The following MMP16 variants were observed in gnomAD, a reference collection of about 807,000 sequenced individuals.
MMP16 encodes matrix metalloproteinase-16.
A neutral mutation model predicts 67.8 loss-of-function variants in MMP16; 12 were observed. The ratio of observed to expected loss-of-function variants is 0.18; its 90% CI spans 0.11 to 0.29. The LOEUF is 0.29. MMP16 is among the 10% of genes least tolerant of loss of function. The probability of loss-of-function intolerance (pLI) is 1.00; values close to 1 mark genes in which losing one functional copy is unlikely to be tolerated. For missense variants in MMP16, 475 were observed against 765.7 expected, an observed-to-expected ratio of 0.62 and a Z score of 4.48; for synonymous variants, 249 against 255.9, an observed-to-expected ratio of 0.97 and a Z score of 0.26.
chr8:88,313,934 T>C (rs939785702), intron 1 of MMP16, among the ~76,000 whole-genome samples: 3 of 152,030 alleles, frequency 2.0e-5, no homozygotes, highest in African/African-American at 4.8e-5. Context: ...AAGACCAGCA[T>C]AGGAAAGACC....
intron 9 of MMP16, among the ~76,000 whole-genome samples, chr8:88,043,471 C>T (rs1432820086): frequency 6.6e-6 from 1 of 152,110 alleles, no homozygotes; most frequent in Non-Finnish European, 1.5e-5. Flanking sequence ...TTAGTAGAGA[C>T]AGGGTTTCTC....
At chr8:88,279,220 CAAA>C (rs767410219) in intron 1 of MMP16, among the ~76,000 whole-genome samples, 2 of 94,404 alleles carry the variant, frequency 2.1e-5, no homozygotes, top group Non-Finnish European at 2.2e-5. Flanking sequence ...GACTCTGTCT[CAAA>C]AAAAAAAAAA....
intron 1 of MMP16, among the ~76,000 whole-genome samples, chr8:88,210,600 A>G (rs1380922843): frequency 2.0e-5 from 3 of 152,196 alleles, no homozygotes; most frequent in Non-Finnish European, 4.4e-5. Context: ...GGTGGATAAC[A>G]AATCTCATTT....
intron 6 of MMP16, among the ~76,000 whole-genome samples, chr8:88,079,157 AG>A (rs1295830066): frequency 6.6e-6 from 1 of 152,110 alleles, no homozygotes; most frequent in Non-Finnish European, 1.5e-5. Flanking sequence ...GACAGAGGAA[AG>A]CTCTTTTCTT....
intron 4 of MMP16, among the ~76,000 whole-genome samples, chr8:88,153,695 C>G (rs1808453024): frequency 6.7e-6 from 1 of 149,202 alleles, no homozygotes. Flanking sequence ...CCCTTCCTTA[C>G]ACCTTATACA....
chr8:88,312,268 T>A (rs758359671), intron 1 of MMP16, among the ~76,000 whole-genome samples: 3 of 152,214 alleles, frequency 2.0e-5, no homozygotes, highest in Non-Finnish European at 4.4e-5. Context: ...GGCCCAAAGC[T>A]AAGCCTTGAT....
intron 1 of MMP16, among the ~76,000 whole-genome samples, chr8:88,269,905 T>C (rs572619791): frequency 5.0e-4 from 76 of 152,376 alleles, no homozygotes; most frequent in African/African-American, 1.7e-3. Flanking sequence ...CATAACTGTT[T>C]CACAGATTCA....
At chr8:88,184,488 G>C (rs1210535904) in intron 3 of MMP16, among the ~76,000 whole-genome samples, 1 of 127,586 alleles carries the variant, frequency 7.8e-6, no homozygotes, top group Non-Finnish European at 1.6e-5. Flanking sequence ...CTGTGCTTTG[G>C]AAAGCCAAGG....
Position 88,041,884 on chromosome 8 carries a change from A to G in MMP16, c.1490-89T>C. ...ATGTTACTAAAATAGGCTATGTCTTAAGAGATGTATTTTAAGGCCCTTTAA... is the reference window on the plus strand; with the variant it reads ...ATGTTACTAAAATAGGCTATGTCTTGAGAGATGTATTTTAAGGCCCTTTAA... On this transcript the variant is annotated intron_variant, in intron 9 of 9. Coordinates refer to ENST00000286614, the MANE Select transcript of MMP16 (RefSeq NM_005941.5). The surrounding 1 kb of genome is among the most constrained non-coding windows in gnomAD (Gnocchi z 6.0). 1.0e-6 allele frequency: 1 copy of G among 992,990 alleles called. No individual in the cohort carries two copies. The highest frequency in any genetic ancestry group is 2.6e-5 in the Admixed American group (1 of 38,660). The allele number at this position is 992,990 out of a possible 1,614,324, so 61.5% of individuals were successfully genotyped here.
At chr8:88,279,995 C>T (rs866777868) in intron 1 of MMP16, among the ~76,000 whole-genome samples, 2 of 152,050 alleles carry the variant, frequency 1.3e-5, no homozygotes, top group South Asian at 4.1e-4. Flanking sequence ...CAGATGAACC[C>T]CAGTGGTTCA....
chr8:88,279,652 G>T (rs1326999279), intron 1 of MMP16, among the ~76,000 whole-genome samples: 1 of 152,138 alleles, frequency 6.6e-6, no homozygotes, highest in Non-Finnish European at 1.5e-5. Context: ...TGTCTCAAGA[G>T]GGGCAACATC....
intron 3 of MMP16, among the ~76,000 whole-genome samples, chr8:88,180,603 G>A (rs759578943): frequency 5.3e-5 from 8 of 151,988 alleles, no homozygotes; most frequent in Non-Finnish European, 1.0e-4. Flanking sequence ...TAATGTGCAA[G>A]TGCCTAACAA....
intron 1 of MMP16, among the ~76,000 whole-genome samples, chr8:88,203,101 C>CTT (rs1397147468): frequency 1.6e-5 from 1 of 61,016 alleles, no homozygotes; most frequent in Non-Finnish European, 3.3e-5. Context: ...AATACCAGAA[C>CTT]TTCTTTTTTT....
intron 1 of MMP16, among the ~76,000 whole-genome samples, chr8:88,219,765 A>C (rs1809648612): frequency 6.6e-6 from 1 of 152,136 alleles, no homozygotes; most frequent in South Asian, 2.1e-4. Flanking sequence ...TCAAATGCAG[A>C]GCTTTGCATT....
intron 1 of MMP16, among the ~76,000 whole-genome samples, chr8:88,265,958 G>T (rs11998148): frequency 0.22 from 32,925 of 152,014 alleles, 4,129 homozygotes; most frequent in African/African-American, 0.34. Context: ...CAGCAATCAG[G>T]ACTATTATTC....
chr8:88,091,724 A>G lies in MMP16; in HGVS notation c.1084-16981T>C, dbSNP rs574072364. Among the ~76,000 whole-genome samples the G allele has an allele frequency of 6.9e-4, 105 of 152,018 alleles. 1 individual carries two copies. Among genetic ancestry groups the G allele is most frequent in the African/African-American group, 2.5e-3 (102 of 41,556 alleles). On this transcript the variant is annotated intron_variant, in intron 6 of 9. Transcript: ENST00000286614. ...ACGTCCCCAAACACTGATAATTACT[A>G]AAAATTAATTCTCTAGATTTGTGCT...
chr8:88,047,710 A>G (rs888731091), intron 8 of MMP16, among the ~76,000 whole-genome samples: 1 of 152,334 alleles, frequency 6.6e-6, no homozygotes, highest in Admixed American at 6.5e-5. Context: ...AAGATTAGAC[A>G]AGCATTTACA....
chr8:88,238,211 C>T lies in MMP16; in HGVS notation c.133-40905G>A, dbSNP rs554511556. ...AGGGGAAAATACACACATCAAAGAT[C>T]CTGAACAAGACTTGGGCTTGGGCAG... On this transcript the variant is annotated intron_variant, in intron 1 of 9. Transcript: ENST00000286614. 2.6e-5 allele frequency among the ~76,000 whole-genome samples: 4 copies of T among 152,162 alleles called. No individual in the cohort carries two copies. The South Asian group carries it at 8.3e-4, about 32-fold the overall frequency.
At chr8:88,248,982 GAAAC>G (rs766848945) in intron 1 of MMP16, among the ~76,000 whole-genome samples, 32 of 151,924 alleles carry the variant, frequency 2.1e-4, no homozygotes, top group Admixed American at 1.1e-3. Context: ...AAACTGCAAA[GAAAC>G]AAACAAACAA....
Sources: gnomAD v4.1 joint callset for allele counts (sites outside exome capture counted in the v4.1 genomes callset) on GRCh38, gnomAD v4.1.1 for gene constraint, Gnocchi (gnomAD v3.1) non-coding constraint, MANE v1.5 for transcripts, NCBI Gene and HGNC (gene_info 2026-07-23, HGNC 2026-07-21) for gene names.